Variants in PSMA3 observed in about 807,000 individuals in gnomAD.
The protein encoded by PSMA3 is proteasome 20S subunit alpha 3, also known as proteasome subunit alpha type-3.
Under a neutral mutation model 40.0 loss-of-function variants are expected in PSMA3, and 8 were observed. The observed-to-expected ratio is 0.20, with a 90% CI of 0.12 to 0.36. The LOEUF (loss-of-function observed/expected upper bound fraction) is 0.36, where lower values mean the gene tolerates loss of function less well. Among genes scored for constraint, PSMA3 ranks in the 10% least tolerant of loss-of-function variants. PSMA3 has a pLI of 1.00. For synonymous variants in PSMA3, 110 were observed against 100.0 expected (o/e 1.10, Z -0.59); for missense variants, 219 against 310.6 (o/e 0.70, Z 2.22).
chr14:58,264,684 T>C (rs1007631794), intron 7 of PSMA3: 2 of 152,248 alleles, frequency 1.3e-5, no homozygotes, highest in African/African-American at 4.8e-5. Context: ...TTGGCATTTA[T>C]ACAATGCTAA....
At chr14:58,257,711 G>A (rs1370065300) in intron 3 of PSMA3, 34 bp from the exon 4 acceptor site, 1 of 1,528,832 alleles carries the variant, frequency 6.5e-7, no homozygotes, top group Non-Finnish European at 9.0e-7. Context: ...TGATAGGAAT[G>A]TGTTCCTCTA....
At chr14:58,265,032 G>A (rs898790366) in intron 7 of PSMA3, 77 of 152,242 alleles carry the variant, frequency 5.1e-4, no homozygotes, top group African/African-American at 1.9e-3. Context: ...AGGCCAAGTT[G>A]GGAGGACTGC....
Position 58,267,458 on chromosome 14 carries a change from A to G in PSMA3, c.544-16A>G, listed in dbSNP as rs1379688041. ...AATGTTCTTCTGATGAACAGTATAC[A>G]TTTTATTTTCTATAGATGAAAGAAA... On this transcript the variant is annotated splice_polypyrimidine_tract_variant and intron_variant, in intron 7 of 10. Coordinates refer to ENST00000216455, the MANE Select transcript of PSMA3 (RefSeq NM_002788.4). 6.5e-7 allele frequency: 1 copy of G among 1,547,100 alleles called. No individual in the cohort carries two copies. Among genetic ancestry groups the G allele is most frequent in the East Asian group, 2.4e-5 (1 of 42,150 alleles).
At chr14:58,268,125 A>T (rs961597671) in intron 8 of PSMA3, 3 of 152,226 alleles carry the variant, frequency 2.0e-5, no homozygotes, top group African/African-American at 7.2e-5. Flanking sequence ...ACAATAAAAA[A>T]GTCAATTAAC....
chr14:58,251,878 T>C (rs1890019194), intron 2 of PSMA3, among the ~76,000 whole-genome samples: 1 of 152,212 alleles, frequency 6.6e-6, no homozygotes, highest in Admixed American at 6.5e-5. Flanking sequence ...ATTTTTATAC[T>C]TACATATTAA....
rs552589221 is a variant in PSMA3 at position 58,262,178 on chromosome 14, C to T, written c.477+1158C>T. ...TCCTGACCTCAGGTGGTCTGCCCACCCCGGCCTGCCAAAGTGCAAGGATTA... is the reference window on the plus strand; with the variant it reads ...TCCTGACCTCAGGTGGTCTGCCCACTCCGGCCTGCCAAAGTGCAAGGATTA... On this transcript the variant is annotated intron_variant, in intron 6 of 10. Transcript: ENST00000216455. Among the ~76,000 whole-genome samples, 9 of 151,418 alleles carry T rather than the reference C, an allele frequency of 5.9e-5. No homozygotes were observed. In the South Asian group the frequency reaches 1.9e-3, roughly 32 times the overall value.
At chr14:58,259,314 GTTTGTTTTGT>G (rs994934705) in intron 5 of PSMA3, among the ~76,000 whole-genome samples, 1 of 150,800 alleles carries the variant, frequency 6.6e-6, no homozygotes, top group Non-Finnish European at 1.5e-5. Flanking sequence ...CTTTTTTTTT[GTTTGTTTTGT>G]TTTGTTTTGA....
rs371515560 is a variant in PSMA3, at chr14:58,269,342, T to C, written c.591-1076T>C. Among the ~76,000 whole-genome samples, 18 of 152,312 alleles carry C rather than the reference T, an allele frequency of 1.2e-4. No individual in the cohort carries two copies. The East Asian group carries it at 3.1e-3, about 26-fold the overall frequency. ...GCCAGGTTATGTGGCATATATGCCA[T>C]TATAAAATGGACAAGGAGCTTAAAA... On this transcript the variant is annotated intron_variant, in intron 8 of 10. Coordinates refer to ENST00000216455, the MANE Select transcript of PSMA3 (RefSeq NM_002788.4).
intron 8 of PSMA3, chr14:58,267,973 T>C (rs1890495700): frequency 1.3e-5 from 2 of 152,512 alleles, no homozygotes; most frequent in African/African-American, 2.4e-5. Flanking sequence ...CTTTTTCAGG[T>C]TTATTATAAA....
At chr14:58,266,959 A>C (rs1890459935) in intron 7 of PSMA3, 1 of 152,134 alleles carries the variant, frequency 6.6e-6, no homozygotes. Context: ...AGTTAGTGGT[A>C]ACTACAGGTT....
intron 6 of PSMA3, among the ~76,000 whole-genome samples, chr14:58,261,904 C>T (rs184445643): frequency 1.4e-3 from 212 of 152,020 alleles, no homozygotes; most frequent in South Asian, 2.7e-3. Flanking sequence ...GCGTGAGCAT[C>T]GATGTCCAGC....
intron 5 of PSMA3, among the ~76,000 whole-genome samples, chr14:58,260,427 G>C (rs567441428): frequency 1.3e-5 from 2 of 152,330 alleles, no homozygotes; most frequent in South Asian, 4.1e-4. Flanking sequence ...AGTGCCCACT[G>C]TATGTCACAA....
chr14:58,269,059 C>A (rs1453016212), intron 8 of PSMA3, among the ~76,000 whole-genome samples: 2 of 151,976 alleles, frequency 1.3e-5, no homozygotes, highest in African/African-American at 4.8e-5. Context: ...ATCAGCCTCT[C>A]AAGTAGCTGG....
intron 6 of PSMA3, 154 bp from the exon 7 acceptor site, chr14:58,263,551 T>TGAAA: frequency 1.9e-6 from 1 of 536,952 alleles, no homozygotes; most frequent in East Asian, 3.2e-5. Context: ...TTGAGCCCTT[T>TGAAA]GGCATTCATC....
intron 2 of PSMA3, among the ~76,000 whole-genome samples, chr14:58,249,162 GT>G (rs1329224025): frequency 4.0e-5 from 6 of 151,854 alleles, no homozygotes; most frequent in Non-Finnish European, 7.4e-5. Flanking sequence ...GTTTCTCCAT[GT>G]TGGTCAGGCT....
rs201362866 is a variant in PSMA3 at position 58,244,976 on chromosome 14, C to T, written c.21+35C>T. 158 of 1,614,100 alleles carry T rather than the reference C, an allele frequency of 9.8e-5. No individual in the cohort carries two copies. The African/African-American group carries it at 1.5e-3, about 16-fold the overall frequency. ...CTGTCTGTCGGTGTAATAGTTTAAC[C>T]TAAGGATTGGGGTTGAAGGGAACTC... On this transcript the variant is annotated intron_variant, in intron 1 of 10. Transcript: ENST00000216455.
Position 58,271,102 on chromosome 14 carries a change from T to C in PSMA3, c.723+104T>C, listed in dbSNP as rs937598466. On this transcript the variant is annotated intron_variant, in intron 10 of 10. Coordinates refer to ENST00000216455, the MANE Select transcript of PSMA3 (RefSeq NM_002788.4). ...AGCAGCACAGCAAGACCCCCATCCCTAATTTAAAAAAAAAAAAATTCTCTA... is the reference window on the plus strand; with the variant it reads ...AGCAGCACAGCAAGACCCCCATCCCCAATTTAAAAAAAAAAAAATTCTCTA... The C allele has an allele frequency of 2.4e-5, 15 of 633,082 alleles. No homozygotes were observed. In the Admixed American group the frequency reaches 2.7e-4, roughly 12 times the overall value. The allele number at this position is 633,082 out of a possible 1,614,324, so 39.2% of individuals were successfully genotyped here.
chr14:58,268,441 T>G (rs1321030437), intron 8 of PSMA3, among the ~76,000 whole-genome samples: 1 of 152,160 alleles, frequency 6.6e-6, no homozygotes, highest in African/African-American at 2.4e-5. Context: ...CAGAGTCTCT[T>G]ATTAACCGGT....
chr14:58,253,032 C>T (rs1448618644), intron 3 of PSMA3, among the ~76,000 whole-genome samples: 18 of 150,858 alleles, frequency 1.2e-4, no homozygotes, highest in African/African-American at 2.2e-4. Context: ...TCACCCAGGC[C>T]GGAGTGCAGT....
Sources: gnomAD v4.1 joint callset for allele counts (sites outside exome capture counted in the v4.1 genomes callset) on GRCh38, gnomAD v4.1.1 for gene constraint, MANE v1.5 for transcripts, NCBI Gene and HGNC (gene_info 2026-07-23, HGNC 2026-07-21) for gene names.